The following NLGN2 variants were observed in gnomAD, a reference collection of about 807,000 sequenced individuals.
The protein encoded by NLGN2 is neuroligin 2, also known as neuroligin-2.
Under a neutral mutation model 48.6 loss-of-function variants are expected in NLGN2, and 11 were observed. The ratio of observed to expected loss-of-function variants is 0.23; its 90% CI spans 0.14 to 0.37. The LOEUF (loss-of-function observed/expected upper bound fraction) is 0.37, where lower values mean the gene tolerates loss of function less well. Among genes scored for constraint, NLGN2 ranks in the 10% least tolerant of loss-of-function variants. The probability of loss-of-function intolerance (pLI) is 1.00; values close to 1 mark genes in which losing one functional copy is unlikely to be tolerated. For synonymous variants in NLGN2, 548 were observed against 550.0 expected (o/e 1.00, Z 0.05); for missense variants, 801 against 1,225.2 (o/e 0.65, Z 5.17).
upstream of NLGN2, among the ~76,000 whole-genome samples, chr17:7,405,762 G>A (rs1431562390): frequency 6.6e-6 from 1 of 152,096 alleles, no homozygotes; most frequent in Non-Finnish European, 1.5e-5. This position sits in a 1 kb window ranked among gnomAD's most constrained non-coding sequence, Gnocchi z 6.8. Flanking sequence ...CTGCGTCTTG[G>A]TCTCTTTGTC....
chr17:7,418,757 G>A lies in NLGN2; in HGVS notation c.*958G>A, dbSNP rs1342765411. 3.3e-5 allele frequency: 5 copies of A among 152,608 alleles called. No homozygotes were observed. Among genetic ancestry groups the A allele is most frequent in the African/African-American group, 9.7e-5 (4 of 41,410 alleles). 9.5% of individuals were successfully genotyped at this position (152,608 alleles called of 1,614,324 possible). On this transcript the variant is annotated 3_prime_UTR_variant, in exon 7 of 7. Coordinates refer to ENST00000302926, the MANE Select transcript of NLGN2 (RefSeq NM_020795.4). Reference sequence around the variant, plus strand: ...CCGGCCCTTGCTCCCGAGTTGGGGGGAGGGGGTGTGGCAACGTGCCCCCCG... The same window carrying A: ...CCGGCCCTTGCTCCCGAGTTGGGGGAAGGGGGTGTGGCAACGTGCCCCCCG...
upstream of NLGN2, among the ~76,000 whole-genome samples, chr17:7,407,323 C>A (rs761747894): frequency 6.6e-5 from 10 of 152,212 alleles, no homozygotes; most frequent in Non-Finnish European, 1.3e-4. Context: ...CCTCCCTACT[C>A]TAACCCCAGC....
At chr17:7,412,655 G>A (rs1319901706) in intron 2 of NLGN2, among the ~76,000 whole-genome samples, 1 of 152,004 alleles carries the variant, frequency 6.6e-6, no homozygotes, top group Non-Finnish European at 1.5e-5. Flanking sequence ...TGAAACATCA[G>A]AAGCCTGTCG....
Position 7,408,341 on chromosome 17 carries a change from C to T in NLGN2, c.86C>T (p.Pro29Leu), listed in dbSNP as rs1011210208. ...GGPGGGAPGGPGLGLGSLGEE... is the reference protein window; with the variant it reads ...GGPGGGAPGGLGLGLGSLGEE... ...CCCGGCGGCGGCGCCCCGGGCGGCC[C>T]CGGCCTGGGCCTCGGCAGCCTCGGC... The change falls in exon 1 of 7, where the codon CCC (proline) becomes CTC (leucine). Residue 29 changes from proline (P) to leucine (L), a missense_variant. Pro to Leu is a moderately conservative substitution (Grantham distance 98). Coordinates refer to ENST00000302926, the MANE Select transcript of NLGN2 (RefSeq NM_020795.4). The surrounding 1 kb of genome is among the most constrained non-coding windows in gnomAD (Gnocchi z 7.5). 2 of 1,466,110 alleles carry T rather than the reference C, an allele frequency of 1.4e-6. No individual in the cohort carries two copies. Among genetic ancestry groups the T allele is most frequent in the East Asian group, 2.9e-5 (1 of 34,266 alleles). 90.8% of individuals were successfully genotyped at this position (1,466,110 alleles called of 1,614,324 possible). A position where few individuals can be genotyped will look rare whatever the true frequency, so the allele number is the denominator to read the frequency against.
intron 5 of NLGN2, 114 bp from the exon 6 acceptor site, chr17:7,415,397 G>T (rs1907058706): frequency 1.5e-5 from 16 of 1,069,224 alleles, no homozygotes; most frequent in Non-Finnish European, 2.3e-5. Flanking sequence ...AGGATTTCAA[G>T]TAGGGAAGAA....
At position 7,411,983 on chromosome 17, in the gene NLGN2, T is replaced by C. The variant is rs936751670; in HGVS notation, c.458-174T>C. On this transcript the variant is annotated intron_variant, in intron 1 of 6. Coordinates refer to ENST00000302926, the MANE Select transcript of NLGN2 (RefSeq NM_020795.4). The surrounding 1 kb of genome is among the most constrained non-coding windows in gnomAD (Gnocchi z 4.5). ...TTGTAGAAACGTTTTTCTCTTTTCT[T>C]GGTTTCTTTTTCTTGCAAACAAATT... 1.3e-5 allele frequency among the ~76,000 whole-genome samples: 2 copies of C among 151,688 alleles called. No individual in the cohort carries two copies. Among genetic ancestry groups the C allele is most frequent in the Admixed American group, 1.3e-4 (2 of 15,232 alleles).
chr17:7,417,491 C>A lies in NLGN2; in HGVS notation c.2200C>A (p.Arg734Ser), dbSNP rs761975258. 5 of 1,525,720 alleles carry A rather than the reference C, an allele frequency of 3.3e-6. No homozygotes were observed. The highest frequency in any genetic ancestry group is 1.4e-5 in the African/African-American group (1 of 71,320). The allele number at this position is 1,525,720 out of a possible 1,614,324, so 94.5% of individuals were successfully genotyped here. The change falls in exon 7 of 7, where the codon CGT (arginine) becomes AGT (serine). Residue 734 changes from arginine (R) to serine (S), a missense_variant. Transcript: ENST00000302926. Reference sequence around the variant, plus strand: ...GGGCCCCCTGCTCCCCGCCGCGGGCCGTGAGCTGCCACCAGAGGAGGAGCT... The same window carrying A: ...GGGCCCCCTGCTCCCCGCCGCGGGCAGTGAGCTGCCACCAGAGGAGGAGCT... ...GGGPLLPAAG[R>S]ELPPEEELVS...
In NLGN2 at chr17:7,417,841, C is replaced by G; in HGVS notation, c.*42C>G. Reference sequence around the variant, plus strand: ...CCCTCCTCCCCGGCCCTCCCTGGCCCGGCCACTCCGAAGGCAGGGAGGAGG... The same window carrying G: ...CCCTCCTCCCCGGCCCTCCCTGGCCGGGCCACTCCGAAGGCAGGGAGGAGG... On this transcript the variant is annotated 3_prime_UTR_variant, in exon 7 of 7. Coordinates refer to ENST00000302926, the MANE Select transcript of NLGN2 (RefSeq NM_020795.4). 1 of 1,349,222 alleles carries G rather than the reference C, an allele frequency of 7.4e-7. No homozygotes were observed. 83.6% of individuals were successfully genotyped at this position (1,349,222 alleles called of 1,614,324 possible).
chr17:7,409,447 C>T, intron 1 of NLGN2, among the ~76,000 whole-genome samples: 1 of 152,054 alleles, frequency 6.6e-6, no homozygotes, highest in Non-Finnish European at 1.5e-5. Context: ...GGACAGTTCT[C>T]CACCCTCCAT....
chr17:7,417,563 G>A lies in NLGN2; in HGVS notation c.2272G>A (p.Ala758Thr). Residue 758 changes from alanine (A) to threonine (T), a missense_variant, in exon 7 of 7, where the codon GCC becomes ACC. This residue lies in a region of NLGN2 where 276 missense variants were observed against 313.9 expected (regional missense o/e 0.88). Transcript: ENST00000302926. The stretch of plus-strand genomic sequence containing the variant: ...GGGTGGTGGCGTCGGGGCGGACCCT[G>A]CCGAGGCTCTGCGCCCTGCCTGCCC... Reference protein sequence around the residue: ...KRGGGVGADPAEALRPACPPD... With the variant: ...KRGGGVGADPTEALRPACPPD... The A allele has an allele frequency of 1.4e-6, 2 of 1,446,014 alleles. No homozygotes were observed. Among genetic ancestry groups the A allele is most frequent in the Non-Finnish European group, 1.8e-6 (2 of 1,106,006 alleles). The allele number at this position is 1,446,014 out of a possible 1,614,324, so 89.6% of individuals were successfully genotyped here. A position where few individuals can be genotyped will look rare whatever the true frequency, so the allele number is the denominator to read the frequency against.
In NLGN2 at chr17:7,414,766, C is replaced by T. The variant is rs1446246633; in HGVS notation, c.762C>T (p.Gly254=). 14 of 1,614,062 alleles carry T rather than the reference C, an allele frequency of 8.7e-6. No homozygotes were observed. Among genetic ancestry groups the T allele is most frequent in the Admixed American group, 3.3e-5 (2 of 60,014 alleles). Reference sequence around the variant, plus strand: ...GTGAAAACATCGCCCACTTTGGGGGCGACCCCGAGCGTATCACCATCTTTG... The same window carrying T: ...GTGAAAACATCGCCCACTTTGGGGGTGACCCCGAGCGTATCACCATCTTTG... ...WLSENIAHFG[G]DPERITIFGS... is the part of the protein sequence containing the mutation. The change falls in exon 4 of 7, where the codon GGC becomes GGT. Residue 254 remains glycine, a synonymous_variant. Transcript: ENST00000302926.
Position 7,414,286 on chromosome 17 carries a change from TCTGA to T in NLGN2, c.509-54_509-51del, listed in dbSNP as rs201739050. The T allele has an allele frequency of 8.8e-3, 13,496 of 1,538,584 alleles. 79 individuals carry two copies. Among genetic ancestry groups the T allele is most frequent in the Non-Finnish European group, 0.011 (11,966 of 1,119,776 alleles). Reference sequence around the variant, plus strand: ...GGGAGCTGGGCGCTGCTGCTTCCGGTCTGACTGTGTCCTTGTCCCTGACCCCCTG... The same window carrying T: ...GGGAGCTGGGCGCTGCTGCTTCCGGTCTGTGTCCTTGTCCCTGACCCCCTG... On this transcript the variant is annotated intron_variant, in intron 2 of 6. Coordinates refer to ENST00000302926, the MANE Select transcript of NLGN2 (RefSeq NM_020795.4).
chr17:7,406,653 C>CGGGGGGGGG (rs71157283), upstream of NLGN2, among the ~76,000 whole-genome samples: 1 of 90,164 alleles, frequency 1.1e-5, no homozygotes, highest in Admixed American at 1.2e-4. Context: ...GGTGGGGGGG[C>CGGGGGGGGG]GGGGGGGGGG....
Position 7,413,812 on chromosome 17 carries a change from C to T in NLGN2, c.509-532C>T, listed in dbSNP as rs1243900577. Reference sequence around the variant, plus strand: ...GAATTAGGGCGGGGAGGAGACCAAGCCCCAGGGACCCTAGGCCTGGCACCC... The same window carrying T: ...GAATTAGGGCGGGGAGGAGACCAAGTCCCAGGGACCCTAGGCCTGGCACCC... On this transcript the variant is annotated intron_variant, in intron 2 of 6. Transcript: ENST00000302926. This position sits in a 1 kb window ranked among gnomAD's most constrained non-coding sequence, Gnocchi z 4.9. 6.6e-6 allele frequency among the ~76,000 whole-genome samples: 1 copy of T among 152,076 alleles called. No homozygotes were observed. Among genetic ancestry groups the T allele is most frequent in the South Asian group, 2.1e-4 (1 of 4,820 alleles).
At chr17:7,416,900 C>CT in intron 6 of NLGN2, 26 bp from the exon 7 acceptor site, 1 of 1,612,022 alleles carries the variant, frequency 6.2e-7, no homozygotes, top group East Asian at 2.2e-5. Flanking sequence ...CTCACTCCTC[C>CT]TTTCCCTGCC....
upstream of NLGN2, chr17:7,404,800 GGTGCGA>G (rs1175675696): frequency 8.4e-6 from 1 of 118,918 alleles, no homozygotes; most frequent in African/African-American, 3.3e-5. Context: ...CGGGCAGGCG[GGTGCGA>G]GCGGGGGGTG....
At chr17:7,412,530 G>T (rs1906940207) in intron 2 of NLGN2, among the ~76,000 whole-genome samples, 1 of 152,046 alleles carries the variant, frequency 6.6e-6, no homozygotes, top group Admixed American at 6.5e-5. Flanking sequence ...GAATTTGAAA[G>T]AAATCTGGAC....
chr17:7,415,228 T>C, intron 5 of NLGN2, 80 bp downstream of exon 5: 1 of 1,380,378 alleles, frequency 7.2e-7, no homozygotes, highest in Non-Finnish European at 9.8e-7. Flanking sequence ...GGGCATACCA[T>C]TTGGCAAGGA....
rs1435108861 is a variant in NLGN2, at chr17:7,413,897, T to C, written c.509-447T>C. ...CCCTCACCCACCGACCAGGGTGCCA[T>C]GTGGAGTGGAGGCCCAAGGCCTGAG... On this transcript the variant is annotated intron_variant, in intron 2 of 6. Coordinates refer to ENST00000302926, the MANE Select transcript of NLGN2 (RefSeq NM_020795.4). This position sits in a 1 kb window ranked among gnomAD's most constrained non-coding sequence, Gnocchi z 4.9. Among the ~76,000 whole-genome samples, 1 of 151,614 alleles carries C rather than the reference T, an allele frequency of 6.6e-6. No homozygotes were observed. Among genetic ancestry groups the C allele is most frequent in the African/African-American group, 2.4e-5 (1 of 41,264 alleles).
Sources: gnomAD v4.1 joint callset for allele counts (sites outside exome capture counted in the v4.1 genomes callset) on GRCh38, gnomAD v4.1.1 for gene constraint, gnomAD v4.1.1 regional missense constraint, Gnocchi (gnomAD v3.1) non-coding constraint, MANE v1.5 for transcripts, NCBI Gene and HGNC (gene_info 2026-07-23, HGNC 2026-07-21) for gene names.